The following ANKS1B variants were observed in gnomAD, a reference collection of about 807,000 sequenced individuals.
The protein encoded by ANKS1B is ankyrin repeat and sterile alpha motif domain containing 1B, also known as ankyrin repeat and sterile alpha motif domain-containing protein 1B.
Under a neutral mutation model 148.3 loss-of-function variants are expected in ANKS1B, and 36 were observed. The observed-to-expected ratio is 0.24, with a 90% confidence interval of 0.19 to 0.32. The LOEUF (loss-of-function observed/expected upper bound fraction) is 0.32, where lower values mean the gene tolerates loss of function less well. Among genes scored for constraint, ANKS1B ranks in the 10% least tolerant of loss-of-function variants. ANKS1B has a pLI of 1.00. For missense variants in ANKS1B, 1,157 were observed against 1,542.6 expected, an observed-to-expected ratio of 0.75 and a Z score of 4.19; for synonymous variants, 542 against 560.8, an observed-to-expected ratio of 0.97 and a Z score of 0.47.
intron 9 of ANKS1B, among the ~76,000 whole-genome samples, chr12:99,545,600 C>T (rs973378032): frequency 6.6e-6 from 1 of 151,792 alleles, no homozygotes; most frequent in Non-Finnish European, 1.5e-5. Flanking sequence ...TGATTAGCTT[C>T]GTCATACTTT....
intron 16 of ANKS1B, among the ~76,000 whole-genome samples, chr12:99,066,421 G>C (rs752792137): frequency 1.2e-4 from 19 of 152,206 alleles, no homozygotes; most frequent in Non-Finnish European, 2.5e-4. Flanking sequence ...TCAGGAAGGA[G>C]GGTCCAGCAT....
intron 10 of ANKS1B, among the ~76,000 whole-genome samples, chr12:99,453,258 C>T (rs1256460923): frequency 4.6e-5 from 7 of 151,940 alleles, no homozygotes; most frequent in Admixed American, 4.6e-4. Flanking sequence ...CCACTGCACT[C>T]CAGCCTGGGT....
chr12:99,306,551 A>G (rs1351733419), intron 12 of ANKS1B, among the ~76,000 whole-genome samples: 3 of 152,020 alleles, frequency 2.0e-5, no homozygotes, highest in Non-Finnish European at 4.4e-5. Context: ...ATGGTTTTAC[A>G]TGACAGATGG....
At chr12:99,696,909 A>T (rs2054016181) in intron 8 of ANKS1B, among the ~76,000 whole-genome samples, 1 of 152,204 alleles carries the variant, frequency 6.6e-6, no homozygotes, top group Admixed American at 6.5e-5. Context: ...CAATTTTTAA[A>T]ATGGGCAAAA....
chr12:99,962,143 A>C (rs2095420970), intron 1 of ANKS1B, among the ~76,000 whole-genome samples: 1 of 152,044 alleles, frequency 6.6e-6, no homozygotes, highest in Non-Finnish European at 1.5e-5. Context: ...ACATAGGTAT[A>C]CATGTGCCAT....
At position 98,745,110 on chromosome 12, in the gene ANKS1B, T is replaced by C. The variant is rs2097852042; in HGVS notation, c.*629A>G. On this transcript the variant is annotated 3_prime_UTR_variant, in exon 27 of 27. Coordinates refer to ENST00000683438, the MANE Select transcript of ANKS1B (RefSeq NM_001352186.2). ...CTCTGCTTTGAATCATTCTTTCCTT[T>C]TGAACCAATCATTTGGTTGAAAGGT... 1 of 985,798 alleles carries C rather than the reference T, an allele frequency of 1.0e-6. No individual in the cohort carries two copies. The highest frequency in any genetic ancestry group is 4.7e-5 in the South Asian group (1 of 21,298). 61.1% of individuals were successfully genotyped at this position (985,798 alleles called of 1,614,324 possible).
At position 99,221,344 on chromosome 12, in the gene ANKS1B, T is replaced by C. The variant is rs148436722; in HGVS notation, c.2419+22998A>G. Among the ~76,000 whole-genome samples the C allele has an allele frequency of 6.8e-3, 1,034 of 151,838 alleles. 10 individuals carry two copies. The highest frequency in any genetic ancestry group is 0.023 in the African/African-American group (967 of 41,450). ...GACAGAGGAAGACTCCATCTCAAAA[T>C]AAAATAAAATAAAATAAAATTTGCA... On this transcript the variant is annotated intron_variant, in intron 14 of 26. Transcript: ENST00000683438.
chr12:99,737,524 C>T (rs1646473518), intron 8 of ANKS1B, among the ~76,000 whole-genome samples: 5 of 151,994 alleles, frequency 3.3e-5, no homozygotes, highest in Admixed American at 3.3e-4. Context: ...CTCTCCTTCC[C>T]ACTTCTTTTC....
In ANKS1B at chr12:99,677,282, A is replaced by T. The variant is rs117404483; in HGVS notation, c.1129-22072T>A. ...AGGGCCATGCACCATTACAAAATTG[A>T]CATGACTTAGATCTTAAAAGCAGTA... On this transcript the variant is annotated intron_variant, in intron 8 of 26. Transcript: ENST00000683438. 4.4e-3 allele frequency among the ~76,000 whole-genome samples: 664 copies of T among 152,300 alleles called. 28 individuals are homozygous for T. The East Asian group carries it at 0.065, about 15-fold the overall frequency.
chr12:99,568,009 A>T (rs1352626736), intron 9 of ANKS1B, among the ~76,000 whole-genome samples: 15 of 152,226 alleles, frequency 9.9e-5, no homozygotes, highest in Admixed American at 9.8e-4. Flanking sequence ...ACATTGACCA[A>T]AATCCAGTGG....
chr12:99,095,031 G>C (rs2055489088), intron 15 of ANKS1B, among the ~76,000 whole-genome samples: 1 of 151,934 alleles, frequency 6.6e-6, no homozygotes, highest in Non-Finnish European at 1.5e-5. Context: ...CTCACTGGGG[G>C]GGGGGTCAAG....
At chr12:99,853,677 C>CA (rs1403180977) in intron 1 of ANKS1B, among the ~76,000 whole-genome samples, 1 of 152,076 alleles carries the variant, frequency 6.6e-6, no homozygotes, top group Admixed American at 6.5e-5. Flanking sequence ...TTAACACCCC[C>CA]AAAAGTTCAC....
chr12:99,759,189 G>A (rs1477923541), intron 8 of ANKS1B, among the ~76,000 whole-genome samples: 2 of 151,840 alleles, frequency 1.3e-5, no homozygotes, highest in African/African-American at 4.8e-5. Context: ...GGAACTGTTA[G>A]GAAACTGTAA....
intron 8 of ANKS1B, among the ~76,000 whole-genome samples, chr12:99,676,415 C>A (rs959671967): frequency 9.9e-5 from 15 of 152,082 alleles, no homozygotes; most frequent in Non-Finnish European, 1.8e-4. Context: ...TAAGAAAAAA[C>A]AAGCTTTTTA....
chr12:99,955,697 GAA>G, intron 1 of ANKS1B, among the ~76,000 whole-genome samples: 1 of 151,944 alleles, frequency 6.6e-6, no homozygotes, highest in South Asian at 2.1e-4. Flanking sequence ...GAGTTACAAA[GAA>G]CATACATTTA....
Position 99,850,281 on chromosome 12 carries a change from GTCTCTCTCTCTC to G in ANKS1B, c.135-24904_135-24893del, listed in dbSNP as rs71436968. Among the ~76,000 whole-genome samples, 5 of 114,258 alleles carry G rather than the reference GTCTCTCTCTCTC, an allele frequency of 4.4e-5. No homozygotes were observed. The East Asian group carries it at 6.6e-4, about 15-fold the overall frequency. The allele number at this position is 114,258 out of a possible 152,430, so 75.0% of individuals were successfully genotyped here. A position where few individuals can be genotyped will look rare whatever the true frequency, so the allele number is the denominator to read the frequency against. Reference sequence around the variant, plus strand: ...TTGAGAAAACAGCAGAAGCAAGAAAGTCTCTCTCTCTCTCTCTCTCTCTCTCTCTCTCTCTCT... The same window carrying G: ...TTGAGAAAACAGCAGAAGCAAGAAAGTCTCTCTCTCTCTCTCTCTCTCTCT... On this transcript the variant is annotated intron_variant, in intron 1 of 26. Coordinates refer to ENST00000683438, the MANE Select transcript of ANKS1B (RefSeq NM_001352186.2).
intron 12 of ANKS1B, among the ~76,000 whole-genome samples, chr12:99,296,699 G>GA: frequency 6.6e-6 from 1 of 152,266 alleles, no homozygotes; most frequent in East Asian, 1.9e-4. Flanking sequence ...TAGAATGTGA[G>GA]AAAAGAGTAG....
chr12:99,659,640 GTGTT>G (rs1374017521), intron 8 of ANKS1B, among the ~76,000 whole-genome samples: 1 of 149,998 alleles, frequency 6.7e-6, no homozygotes, highest in African/African-American at 2.4e-5. Context: ...GTGTTCGTGT[GTGTT>G]TGTGTGTCTG....
intron 1 of ANKS1B, among the ~76,000 whole-genome samples, chr12:99,861,301 T>A (rs987622153): frequency 1.3e-5 from 2 of 152,240 alleles, no homozygotes; most frequent in African/African-American, 4.8e-5. Context: ...TCTTTTCATA[T>A]AATCACATGA....
Sources: allele counts gnomAD v4.1 joint callset (sites outside exome capture counted in the v4.1 genomes callset), GRCh38; gene constraint gnomAD v4.1.1; transcripts MANE v1.5; gene names NCBI Gene and HGNC (gene_info 2026-07-23, HGNC 2026-07-21).